The following CTNNA3 variants were observed in gnomAD, a reference collection of about 807,000 sequenced individuals.
CTNNA3 encodes the protein catenin alpha 3.
CTNNA3 carries 76 observed loss-of-function variants against 95.7 expected under a neutral mutation model. The observed-to-expected ratio is 0.79, with a 90% CI of 0.66 to 0.96. The LOEUF is 0.96. Ranked by LOEUF, CTNNA3 falls within the 40% of genes least tolerant of loss-of-function variation. CTNNA3 has a pLI of 0.00. For synonymous variants in CTNNA3, 431 were observed against 374.4 expected (o/e 1.15, Z -1.74); for missense variants, 1,191 against 1,089.8 (o/e 1.09, Z -1.31).
chr10:67,449,791 A>G (rs1233523948), intron 5 of CTNNA3, among the ~76,000 whole-genome samples: 1 of 152,200 alleles, frequency 6.6e-6, no homozygotes, highest in African/African-American at 2.4e-5. Context: ...ATCAGGACAA[A>G]AGCAAAAATT....
intron 11 of CTNNA3, among the ~76,000 whole-genome samples, chr10:66,483,984 T>C (rs550278044): frequency 6.6e-6 from 1 of 152,276 alleles, no homozygotes; most frequent in African/African-American, 2.4e-5. Flanking sequence ...CTTTAGTTTA[T>C]TAAATGATGA....
intron 13 of CTNNA3, among the ~76,000 whole-genome samples, chr10:66,240,294 T>A (rs1045001434): frequency 6.6e-6 from 1 of 152,018 alleles, no homozygotes; most frequent in African/African-American, 2.4e-5. Flanking sequence ...AAATCACAAC[T>A]CTAACATCAA....
At chr10:66,190,919 G>A (rs2086633470) in intron 13 of CTNNA3, among the ~76,000 whole-genome samples, 1 of 152,098 alleles carries the variant, frequency 6.6e-6, no homozygotes, top group Admixed American at 6.6e-5. Flanking sequence ...CCTAGCGGAT[G>A]ACCTTCAGAA....
intron 1 of CTNNA3, among the ~76,000 whole-genome samples, chr10:67,662,319 T>C (rs1221750197): frequency 6.6e-6 from 1 of 152,238 alleles, no homozygotes; most frequent in Non-Finnish European, 1.5e-5. Context: ...ATAAAAGTTA[T>C]GTGAATGTGC....
intron 5 of CTNNA3, among the ~76,000 whole-genome samples, chr10:67,227,239 G>C (rs1467899949): frequency 2.6e-5 from 4 of 151,824 alleles, no homozygotes; most frequent in Admixed American, 6.6e-5. Flanking sequence ...TTACATGCCT[G>C]CACCACCATG....
At chr10:66,048,542 C>T (rs1398770327) in intron 15 of CTNNA3, among the ~76,000 whole-genome samples, 4 of 152,176 alleles carry the variant, frequency 2.6e-5, no homozygotes, top group East Asian at 1.9e-4. Context: ...GGGCGGATCA[C>T]GAGGTCAGGA....
chr10:67,011,522 T>C (rs140336556), intron 7 of CTNNA3, among the ~76,000 whole-genome samples: 11 of 152,308 alleles, frequency 7.2e-5, no homozygotes, highest in African/African-American at 2.4e-4. Flanking sequence ...CTTAAAACTT[T>C]ACTGTCAATA....
chr10:67,359,111 C>T (rs141756829), intron 5 of CTNNA3, among the ~76,000 whole-genome samples: 113 of 151,752 alleles, frequency 7.4e-4, no homozygotes, highest in African/African-American at 2.3e-3. Context: ...CTAATCACAA[C>T]GAAGGAACCC....
At chr10:66,544,336 C>T (rs969543741) in intron 10 of CTNNA3, among the ~76,000 whole-genome samples, 2 of 151,960 alleles carry the variant, frequency 1.3e-5, no homozygotes, top group African/African-American at 2.4e-5. Context: ...TTGAACACAT[C>T]CTAAAGCTTG....
At position 67,346,450 on chromosome 10, in the gene CTNNA3, G is replaced by A. The variant is rs568213856; in HGVS notation, c.580-126580C>T. On this transcript the variant is annotated intron_variant, in intron 5 of 17. Transcript: ENST00000433211. The stretch of plus-strand genomic sequence containing the variant: ...GAAATCCCTCAGCTTTTGTTTGTCT[G>A]GGAATGTTTTTATTTCTCTTTCATC... Among the ~76,000 whole-genome samples the A allele has an allele frequency of 9.2e-4, 140 of 152,230 alleles. 1 individual carries two copies. The highest frequency in any genetic ancestry group is 3.3e-3 in the African/African-American group (137 of 41,522).
At chr10:66,337,460 T>C (rs1458924881) in intron 12 of CTNNA3, among the ~76,000 whole-genome samples, 2 of 152,114 alleles carry the variant, frequency 1.3e-5, no homozygotes, top group South Asian at 2.1e-4. Context: ...GAGCCAGATA[T>C]TGTGCTCCTC....
chr10:66,041,494 G>T (rs149447034), intron 15 of CTNNA3, among the ~76,000 whole-genome samples: 2 of 152,324 alleles, frequency 1.3e-5, no homozygotes, highest in Admixed American at 1.3e-4. Flanking sequence ...GCAATGTGTA[G>T]ATGAGTGCTC....
intron 9 of CTNNA3, among the ~76,000 whole-genome samples, chr10:66,678,973 T>C (rs978009664): frequency 1.3e-5 from 2 of 152,176 alleles, no homozygotes; most frequent in African/African-American, 4.8e-5. Flanking sequence ...TTCTTGTATA[T>C]TTCCCTAAGG....
intron 11 of CTNNA3, among the ~76,000 whole-genome samples, chr10:66,434,583 A>T (rs1020903211): frequency 1.2e-4 from 19 of 152,156 alleles, no homozygotes; most frequent in African/African-American, 4.6e-4. Context: ...CAATCATGTC[A>T]TCTGCAAACA....
In CTNNA3 at chr10:66,155,816, T is replaced by C. The variant is rs567055445; in HGVS notation, c.1885-52567A>G. ...AATAAAAAGTTGATACATTGAACTA[T>C]ATAAAAGCCAAGAACTTCTGTTTTT... On this transcript the variant is annotated intron_variant, in intron 13 of 17. Coordinates refer to ENST00000433211, the MANE Select transcript of CTNNA3 (RefSeq NM_013266.4). Among the ~76,000 whole-genome samples the C allele has an allele frequency of 3.9e-5, 6 of 151,992 alleles. No homozygotes were observed. In the South Asian group the frequency reaches 1.0e-3, roughly 26 times the overall value.
In CTNNA3 at chr10:67,061,089, A is replaced by G. The variant is rs182070043; in HGVS notation, c.1047+119228T>C. On this transcript the variant is annotated intron_variant, in intron 7 of 17. Transcript: ENST00000433211. Reference sequence around the variant, plus strand: ...TTCATTAATTCTATTCAATCAATAAAAAAAACTAAGGCTAAAAATTAACGG... The same window carrying G: ...TTCATTAATTCTATTCAATCAATAAGAAAAACTAAGGCTAAAAATTAACGG... 1.5e-4 allele frequency among the ~76,000 whole-genome samples: 23 copies of G among 152,294 alleles called. 1 individual carries two copies. The East Asian group carries it at 3.9e-3, about 26-fold the overall frequency.
intron 10 of CTNNA3, among the ~76,000 whole-genome samples, chr10:66,591,306 G>C (rs1843542405): frequency 6.6e-6 from 1 of 152,130 alleles, no homozygotes; most frequent in Non-Finnish European, 1.5e-5. Context: ...GGGACTTTCA[G>C]TGGAAGGAAG....
Position 66,199,799 on chromosome 10 carries a change from AT to A in CTNNA3, c.1884+80670del, listed in dbSNP as rs1564756426. 3.4e-3 allele frequency among the ~76,000 whole-genome samples: 47 copies of A among 13,838 alleles called. 4 individuals are homozygous for A. Among genetic ancestry groups the A allele is most frequent in the African/African-American group, 0.013 (46 of 3,422 alleles). The allele number at this position is 13,838 out of a possible 152,430, so 9.1% of individuals were successfully genotyped here. Reference sequence around the variant, plus strand: ...TATATATATATATATATATATATATATATATATTTTTTTTTTTTTTTTTTTT... The same window carrying A: ...TATATATATATATATATATATATATAATATATTTTTTTTTTTTTTTTTTTT... On this transcript the variant is annotated intron_variant, in intron 13 of 17. Transcript: ENST00000433211.
At chr10:66,341,593 C>G (rs1019399265) in intron 12 of CTNNA3, among the ~76,000 whole-genome samples, 8 of 151,866 alleles carry the variant, frequency 5.3e-5, no homozygotes, top group Admixed American at 4.6e-4. Flanking sequence ...GTAAATTGTA[C>G]TTTAGATTTT....
Sources: allele counts gnomAD v4.1 joint callset (sites outside exome capture counted in the v4.1 genomes callset), GRCh38; gene constraint gnomAD v4.1.1; transcripts MANE v1.5; gene names NCBI Gene and HGNC (gene_info 2026-07-23, HGNC 2026-07-21).